The following OSBPL10 variants were observed in gnomAD, a reference collection of about 807,000 sequenced individuals.
OSBPL10 encodes the protein oxysterol binding protein like 10.
In OSBPL10, 49 loss-of-function variants were observed where a neutral mutation model predicts 81.7. That is an observed-to-expected ratio of 0.60 (90% confidence interval 0.48 to 0.76). OSBPL10 has a LOEUF of 0.76. OSBPL10 is among the 30% of genes least tolerant of loss of function. OSBPL10 has a pLI of 0.00. For synonymous variants in OSBPL10, 419 were observed against 383.6 expected (o/e 1.09, Z -1.08); for missense variants, 923 against 987.8 (o/e 0.93, Z 0.88).
chr3:31,808,565 G>C (rs1699579407), intron 4 of OSBPL10, among the ~76,000 whole-genome samples: 1 of 152,196 alleles, frequency 6.6e-6, no homozygotes, highest in South Asian at 2.1e-4. Flanking sequence ...TCCCCAGGCT[G>C]GGGGAAATGC....
At chr3:31,764,936 G>A (rs1354945349) in intron 4 of OSBPL10, among the ~76,000 whole-genome samples, 1 of 152,134 alleles carries the variant, frequency 6.6e-6, no homozygotes, top group African/African-American at 2.4e-5. Flanking sequence ...GTTTTCACCA[G>A]ATAGCCTTCC....
At chr3:31,854,155 T>A (rs1308535142) in intron 3 of OSBPL10, among the ~76,000 whole-genome samples, 1 of 151,476 alleles carries the variant, frequency 6.6e-6, no homozygotes, top group Non-Finnish European at 1.5e-5. Context: ...TTTTTTTTTT[T>A]AAGGATAACT....
chr3:31,970,427 CAGGAA>C lies in OSBPL10; in HGVS notation c.281+10467_281+10471del, dbSNP rs1182221301. Among the ~76,000 whole-genome samples the C allele has an allele frequency of 2.6e-5, 4 of 152,128 alleles. No individual in the cohort carries two copies. In the South Asian group the frequency reaches 6.2e-4, roughly 24 times the overall value. On this transcript the variant is annotated intron_variant, in intron 1 of 11. Transcript: ENST00000396556. ...TTTGGCCAGCATGTCTATATTCCAA[CAGGAA>C]AGGAAAAGGTAAGAAGAGTACAAAG... is the stretch of plus-strand genomic sequence containing the variant.
chr3:32,072,067 C>A (rs1008654470), intron 1 of OSBPL10, among the ~76,000 whole-genome samples: 1 of 152,108 alleles, frequency 6.6e-6, no homozygotes, highest in Non-Finnish European at 1.5e-5. Flanking sequence ...GAACTCATTG[C>A]CTTCACTCAA....
chr3:32,012,230 T>C (rs1699267062), intron 2 of OSBPL10, among the ~76,000 whole-genome samples: 1 of 152,186 alleles, frequency 6.6e-6, no homozygotes, highest in Admixed American at 6.5e-5. Flanking sequence ...CCCATCAGAC[T>C]AACAGCTGAT....
At chr3:31,670,333 T>G (rs375694716) in intron 9 of OSBPL10, among the ~76,000 whole-genome samples, 61 of 152,372 alleles carry the variant, frequency 4.0e-4, no homozygotes, top group African/African-American at 1.4e-3. Context: ...AGAGCAGACC[T>G]CTCCTTCAAT....
chr3:31,981,397 G>T, upstream of OSBPL10: 1 of 755,766 alleles, frequency 1.3e-6, no homozygotes, highest in Non-Finnish European at 1.8e-6. This position sits in a 1 kb window ranked among gnomAD's most constrained non-coding sequence, Gnocchi z 4.5. Flanking sequence ...CCCTCCTCCC[G>T]CCGCGGCCAG....
intron 1 of OSBPL10, among the ~76,000 whole-genome samples, chr3:32,068,414 C>T (rs1209922411): frequency 1.4e-5 from 2 of 148,004 alleles, no homozygotes; most frequent in African/African-American, 2.5e-5. Flanking sequence ...CTGCTCCCCA[C>T]CCCCCTTCTC....
rs555942477 is a variant in OSBPL10 at position 31,815,049 on chromosome 3, G to A, written c.729+14991C>T. On this transcript the variant is annotated intron_variant, in intron 4 of 11. Transcript: ENST00000396556. ...AACTTCTGCTCTCTATCCCCGGAGC[G>A]CTTCTTAGAGTCCTGCATGACTCTG... Among the ~76,000 whole-genome samples, 11 of 145,010 alleles carry A rather than the reference G, an allele frequency of 7.6e-5. 1 individual carries two copies. The highest frequency in any genetic ancestry group is 7.2e-4 in the South Asian group (3 of 4,190).
chr3:32,074,578 C>G (rs1699858462), intron 1 of OSBPL10, among the ~76,000 whole-genome samples: 1 of 152,180 alleles, frequency 6.6e-6, no homozygotes, highest in Admixed American at 6.5e-5. Flanking sequence ...TCACTGCATC[C>G]TTCGCTACCC....
At chr3:31,818,162 G>T (rs1662367730) in intron 4 of OSBPL10, among the ~76,000 whole-genome samples, 1 of 152,154 alleles carries the variant, frequency 6.6e-6, no homozygotes, top group South Asian at 2.1e-4. Context: ...TGCTTTTTAG[G>T]TGAGCTTAGT....
At chr3:31,869,300 A>G (rs1051346022) in intron 3 of OSBPL10, among the ~76,000 whole-genome samples, 1 of 152,178 alleles carries the variant, frequency 6.6e-6, no homozygotes, top group African/African-American at 2.4e-5. Flanking sequence ...CTCACTCTGA[A>G]CCCCACAATA....
chr3:31,668,908 T>A lies in OSBPL10; in HGVS notation c.1914-84A>T, dbSNP rs186023685. 38 of 1,277,170 alleles carry A rather than the reference T, an allele frequency of 3.0e-5. No homozygotes were observed. The East Asian group carries it at 6.4e-4, about 21-fold the overall frequency. 79.1% of individuals were successfully genotyped at this position (1,277,170 alleles called of 1,614,324 possible). A position where few individuals can be genotyped will look rare whatever the true frequency, so the allele number is the denominator to read the frequency against. Reference sequence around the variant, plus strand: ...AAGGTACACCCATCTCTAGAGATTTTTTTTTTTAATCAGAAATGGGAAGGA... The same window carrying A: ...AAGGTACACCCATCTCTAGAGATTTATTTTTTTAATCAGAAATGGGAAGGA... On this transcript the variant is annotated intron_variant, in intron 9 of 11. Transcript: ENST00000396556.
At chr3:31,915,064 T>C (rs1696713065) in intron 1 of OSBPL10, among the ~76,000 whole-genome samples, 1 of 152,192 alleles carries the variant, frequency 6.6e-6, no homozygotes, top group South Asian at 2.1e-4. Context: ...CTTGAACTCC[T>C]GGCCTCAAAG....
At chr3:31,810,781 A>G (rs1699660778) in intron 4 of OSBPL10, among the ~76,000 whole-genome samples, 1 of 152,218 alleles carries the variant, frequency 6.6e-6, no homozygotes, top group Admixed American at 6.5e-5. Flanking sequence ...GTTTGACGGC[A>G]CAGTGAGTCC....
At chr3:31,860,843 T>G (rs1701039477) in intron 3 of OSBPL10, among the ~76,000 whole-genome samples, 1 of 141,480 alleles carries the variant, frequency 7.1e-6, no homozygotes, top group Non-Finnish European at 1.5e-5. Context: ...CTAATTTTTG[T>G]GGGGTTTTTT....
chr3:31,829,268 A>T (rs1700174093), intron 4 of OSBPL10, among the ~76,000 whole-genome samples: 1 of 152,132 alleles, frequency 6.6e-6, no homozygotes, highest in African/African-American at 2.4e-5. Context: ...AGGCAACCAA[A>T]ACCACCATCA....
intron 2 of OSBPL10, among the ~76,000 whole-genome samples, chr3:32,035,475 T>C (rs1446643320): frequency 6.8e-6 from 1 of 146,484 alleles, no homozygotes; most frequent in African/African-American, 2.5e-5. Context: ...GGCAGGAGAA[T>C]GGCTTGAACT....
chr3:31,989,297 A>G (rs755478749), intron 2 of OSBPL10: 3 of 1,614,208 alleles, frequency 1.9e-6, no homozygotes, highest in Non-Finnish European at 2.5e-6. Flanking sequence ...ATGATGAAGA[A>G]GTTCTCATCA....
Sources: allele counts gnomAD v4.1 joint callset (sites outside exome capture counted in the v4.1 genomes callset), GRCh38; gene constraint gnomAD v4.1.1; non-coding constraint Gnocchi (gnomAD v3.1); transcripts MANE v1.5; gene names NCBI Gene and HGNC (gene_info 2026-07-23, HGNC 2026-07-21).